The following ADAMTS14 variants were observed in gnomAD, a reference collection of about 807,000 sequenced individuals.
The protein encoded by ADAMTS14 is A disintegrin and metalloproteinase with thrombospondin motifs 14.
ADAMTS14 carries 100 observed loss-of-function variants against 128.6 expected under a neutral mutation model. The ratio of observed to expected loss-of-function variants is 0.78; its 90% CI spans 0.66 to 0.92. ADAMTS14 has a LOEUF of 0.92. Ranked by LOEUF, ADAMTS14 falls within the 40% of genes least tolerant of loss-of-function variation. ADAMTS14 has a pLI of 0.00. For missense variants in ADAMTS14, 1,562 were observed against 1,658.6 expected, an observed-to-expected ratio of 0.94 and a Z score of 1.01; for synonymous variants, 665 against 653.8, an observed-to-expected ratio of 1.02 and a Z score of -0.26.
chr10:70,753,661 CAGTTGTCCT>C (rs1207289352), intron 18 of ADAMTS14, 130 bp from the exon 19 acceptor site: 1 of 850,564 alleles, frequency 1.2e-6, no homozygotes, highest in African/African-American at 1.7e-5. Flanking sequence ...GCCAGGTGGA[CAGTTGTCCT>C]AGGCCTCAAA....
chr10:70,680,313 TCGCA>T (rs1460888405), intron 2 of ADAMTS14, among the ~76,000 whole-genome samples: 3 of 86,814 alleles, frequency 3.5e-5, no homozygotes, highest in Non-Finnish European at 8.1e-5. Flanking sequence ...GGCAGGAGAA[TCGCA>T]TCGCTTGAAC....
At chr10:70,677,570 G>A (rs928361163) in intron 2 of ADAMTS14, among the ~76,000 whole-genome samples, 1 of 152,098 alleles carries the variant, frequency 6.6e-6, no homozygotes, top group African/African-American at 2.4e-5. Context: ...ACTTGCCTGG[G>A]TCCCCCTCCC....
At chr10:70,736,890 C>G in intron 10 of ADAMTS14, 97 bp downstream of exon 10, 1 of 1,087,344 alleles carries the variant, frequency 9.2e-7, no homozygotes, top group Non-Finnish European at 1.4e-6. Flanking sequence ...TGACCCCTCC[C>G]TCCAAGTGCT....
chr10:70,728,575 T>C (rs1436874819), intron 4 of ADAMTS14, among the ~76,000 whole-genome samples: 1 of 152,248 alleles, frequency 6.6e-6, no homozygotes, highest in Non-Finnish European at 1.5e-5. Context: ...AGGAGCTTCC[T>C]GGCAGAGGAG....
At chr10:70,690,124 G>A (rs2132562455) in intron 2 of ADAMTS14, among the ~76,000 whole-genome samples, 1 of 144,638 alleles carries the variant, frequency 6.9e-6, no homozygotes, top group South Asian at 2.2e-4. Flanking sequence ...GTGAATATGT[G>A]CTATTGCAGG....
At position 70,753,813 on chromosome 10, in the gene ADAMTS14, G is replaced by A. The variant is rs1262123052; in HGVS notation, c.2743G>A (p.Glu915Lys). Reference sequence around the variant, plus strand: ...CCCTGTTTCCAGGTGGGTGACGGAGGAGTGGGGTGCCTGCAGCCGGAGCTG... The same window carrying A: ...CCCTGTTTCCAGGTGGGTGACGGAGAAGTGGGGTGCCTGCAGCCGGAGCTG... Reference protein sequence around the residue: ...PCSQPVWVTEEWGACSRSCGK... With the variant: ...PCSQPVWVTEKWGACSRSCGK... The change falls in exon 19 of 22, where the codon GAG (glutamate) becomes AAG (lysine). Residue 915 changes from glutamate to lysine, a missense_variant. By Grantham distance (56) the Glu-to-Lys change is moderately conservative. Transcript: ENST00000373207. 1.0e-5 allele frequency: 16 copies of A among 1,583,044 alleles called. No homozygotes were observed. The highest frequency in any genetic ancestry group is 1.4e-5 in the Non-Finnish European group (16 of 1,164,866).
chr10:70,708,804 TG>T, intron 4 of ADAMTS14, 26 bp downstream of exon 4: 8 of 453,768 alleles, frequency 1.8e-5, no homozygotes, highest in Non-Finnish European at 3.4e-5. Context: ...TCCTAGGACT[TG>T]GGGGGAGTGG....
chr10:70,735,589 G>A (rs10999498), intron 9 of ADAMTS14, among the ~76,000 whole-genome samples: 39,616 of 152,178 alleles, frequency 0.26, 6,159 homozygotes, highest in Non-Finnish European at 0.36. Flanking sequence ...GGGAGCCCAG[G>A]TTCCAGATAA....
rs150197249 is a variant in ADAMTS14 at position 70,691,561 on chromosome 10, T to C, written c.523-10751T>C. On this transcript the variant is annotated intron_variant, in intron 2 of 21. Coordinates refer to ENST00000373207, the MANE Select transcript of ADAMTS14 (RefSeq NM_080722.4). ...TTTGATGATCTGAGCAGCTCTGTTC[T>C]CCAAGGTGCTGGAGGACAGCCAGTC... Among the ~76,000 whole-genome samples, 4 of 106,064 alleles carry C rather than the reference T, an allele frequency of 3.8e-5. No homozygotes were observed. The East Asian group carries it at 8.6e-4, about 23-fold the overall frequency. 69.6% of individuals were successfully genotyped at this position (106,064 alleles called of 152,430 possible).
intron 2 of ADAMTS14, among the ~76,000 whole-genome samples, chr10:70,694,956 G>A (rs963240570): frequency 5.3e-5 from 8 of 152,168 alleles, no homozygotes; most frequent in Admixed American, 1.3e-4. Context: ...TTGCCAGACC[G>A]TTTTCAAAGT....
rs1359748452 is a variant in ADAMTS14 at position 70,732,271 on chromosome 10, G to C, written c.1120G>C (p.Gly374Arg). The C allele has an allele frequency of 1.2e-6, 2 of 1,614,160 alleles. No homozygotes were observed. Among genetic ancestry groups the C allele is most frequent in the South Asian group, 1.1e-5 (1 of 91,078 alleles). ...TTCGGCAGGGTATGCACCCGTCACT[G>C]GCATGTGTCACCCCCTGAGGAGCTG... ...FGPSGYAPVT[G>R]MCHPLRSCAL... The change falls in exon 7 of 22, where the codon GGC becomes CGC. Residue 374 changes from glycine to arginine, a missense_variant. By Grantham distance (125) the Gly-to-Arg change is moderately radical. Coordinates refer to ENST00000373207, the MANE Select transcript of ADAMTS14 (RefSeq NM_080722.4).
intron 14 of ADAMTS14, among the ~76,000 whole-genome samples, chr10:70,744,902 GGAGA>G (rs1842128918): frequency 1.3e-5 from 2 of 152,074 alleles, no homozygotes; most frequent in South Asian, 2.1e-4. Flanking sequence ...GAAGAAGCAG[GGAGA>G]GAGAGTCAGA....
Position 70,689,054 on chromosome 10 carries a change from G to C in ADAMTS14, c.523-13258G>C, listed in dbSNP as rs142205025. Among the ~76,000 whole-genome samples, 890 of 143,038 alleles carry C rather than the reference G, an allele frequency of 6.2e-3. 39 individuals are homozygous for C. Among genetic ancestry groups the C allele is most frequent in the African/African-American group, 0.021 (838 of 40,544 alleles). 93.8% of individuals were successfully genotyped at this position (143,038 alleles called of 152,430 possible). On this transcript the variant is annotated intron_variant, in intron 2 of 21. Transcript: ENST00000373207. ...GCAGGGGCCCACACTCTATGAGTTA[G>C]CTCCTCCAGCCTGAAGAGGCCTGTG...
In ADAMTS14 at chr10:70,726,626, G is replaced by A. The variant is rs73278006; in HGVS notation, c.871-2668G>A. Among the ~76,000 whole-genome samples the A allele has an allele frequency of 6.9e-3, 1,054 of 152,302 alleles. 10 individuals are homozygous for A. The highest frequency in any genetic ancestry group is 0.024 in the African/African-American group (1,013 of 41,568). ...ACACTTACCCACCCCAGTACAGAAG[G>A]AAGGCCGTGATCCAGTGTTGGAGGG... On this transcript the variant is annotated intron_variant, in intron 4 of 21. Transcript: ENST00000373207.
intron 1 of ADAMTS14, among the ~76,000 whole-genome samples, chr10:70,673,586 C>G (rs12250113): frequency 0.011 from 1,603 of 152,240 alleles, 29 homozygotes; most frequent in African/African-American, 0.037. Context: ...TCCCCTCTTG[C>G]AGCAGTCTTA....
In ADAMTS14 at chr10:70,749,738, G is replaced by C. The variant is rs1452687159; in HGVS notation, c.2264-84G>C. 2.0e-6 allele frequency: 3 copies of C among 1,494,562 alleles called. No individual in the cohort carries two copies. In the African/African-American group the frequency reaches 4.2e-5, roughly 21 times the overall value. The allele number at this position is 1,494,562 out of a possible 1,614,324, so 92.6% of individuals were successfully genotyped here. On this transcript the variant is annotated intron_variant, in intron 15 of 21. Transcript: ENST00000373207. Reference sequence around the variant, plus strand: ...GGACAGGAGCCCAGAAGGCTCACTGGGAAGGCCTTGAATTTCATATTCATG... The same window carrying C: ...GGACAGGAGCCCAGAAGGCTCACTGCGAAGGCCTTGAATTTCATATTCATG...
chr10:70,750,047 C>A, intron 16 of ADAMTS14, 62 bp downstream of exon 16: 1 of 1,582,320 alleles, frequency 6.3e-7, no homozygotes, highest in Non-Finnish European at 8.6e-7. Context: ...TAGCTCGCTA[C>A]ATCTGCTGCC....
chr10:70,751,698 T>C (rs976308374), intron 17 of ADAMTS14, 52 bp downstream of exon 17: 5 of 1,583,610 alleles, frequency 3.2e-6, no homozygotes, highest in Non-Finnish European at 4.3e-6. Flanking sequence ...CAGGATCCCT[T>C]GAGAGGCAGG....
intron 2 of ADAMTS14, among the ~76,000 whole-genome samples, chr10:70,681,348 C>T (rs1839795972): frequency 6.6e-6 from 1 of 152,108 alleles, no homozygotes; most frequent in Non-Finnish European, 1.5e-5. Flanking sequence ...GAATTGTAGT[C>T]ATTCTGTAGG....
Sources: allele counts gnomAD v4.1 joint callset (sites outside exome capture counted in the v4.1 genomes callset), GRCh38; gene constraint gnomAD v4.1.1; transcripts MANE v1.5; gene names NCBI Gene and HGNC (gene_info 2026-07-23, HGNC 2026-07-21).